MACROD2: variants seen among roughly 807,000 people sequenced by gnomAD.
MACROD2 encodes mono-ADP ribosylhydrolase 2.
MACROD2 carries 36 observed loss-of-function variants against 70.4 expected under a neutral mutation model. The observed-to-expected ratio is 0.51, with a 90% CI of 0.39 to 0.68. MACROD2 has a LOEUF of 0.68. Ranked by LOEUF, MACROD2 falls within the 30% of genes least tolerant of loss-of-function variation. The pLI is 0.00. For missense variants in MACROD2, 496 were observed against 538.4 expected, an observed-to-expected ratio of 0.92 and a Z score of 0.78; for synonymous variants, 172 against 178.8, an observed-to-expected ratio of 0.96 and a Z score of 0.30.
At chr20:15,254,840 C>T (rs921148968) in intron 6 of MACROD2, among the ~76,000 whole-genome samples, 2 of 151,230 alleles carry the variant, frequency 1.3e-5, no homozygotes, top group African/African-American at 4.9e-5. Flanking sequence ...TCAGATCTAT[C>T]TGACTACAAA....
At chr20:15,659,811 A>G (rs1028486695) in intron 8 of MACROD2, among the ~76,000 whole-genome samples, 3 of 152,178 alleles carry the variant, frequency 2.0e-5, no homozygotes, top group African/African-American at 7.2e-5. Context: ...CTGAATCAAA[A>G]TGTGATGGAG....
At chr20:14,192,676 T>TC (rs1268235982) in intron 3 of MACROD2, among the ~76,000 whole-genome samples, 5 of 151,780 alleles carry the variant, frequency 3.3e-5, no homozygotes, top group African/African-American at 1.2e-4. Flanking sequence ...GGCAAAGGAG[T>TC]CTCCCCACAA....
Position 14,973,572 on chromosome 20 carries a change from T to G in MACROD2, c.419-256368T>G, listed in dbSNP as rs2074711572. ...CAGAGGAAGGGTTTGCTTTCATATC[T>G]TTTTGCTTAGACAATGACCACTTGA... On this transcript the variant is annotated intron_variant, in intron 5 of 17. Coordinates refer to ENST00000684519, the MANE Select transcript of MACROD2 (RefSeq NM_001351661.2). Among the ~76,000 whole-genome samples, 4 of 152,072 alleles carry G rather than the reference T, an allele frequency of 2.6e-5. No homozygotes were observed. The South Asian group carries it at 8.3e-4, about 32-fold the overall frequency.
At chr20:14,397,397 C>T (rs888753796) in intron 3 of MACROD2, among the ~76,000 whole-genome samples, 1 of 152,060 alleles carries the variant, frequency 6.6e-6, no homozygotes, top group Non-Finnish European at 1.5e-5. Context: ...ATAGTGGTTG[C>T]TTATAGTGTG....
intron 8 of MACROD2, among the ~76,000 whole-genome samples, chr20:15,610,624 C>T (rs919142652): frequency 1.3e-5 from 2 of 152,204 alleles, no homozygotes; most frequent in Non-Finnish European, 2.9e-5. Context: ...AACACAGCAG[C>T]AGTCACAGGT....
chr20:15,481,349 T>C (rs1044739621), intron 7 of MACROD2, among the ~76,000 whole-genome samples: 23 of 152,332 alleles, frequency 1.5e-4, no homozygotes, highest in African/African-American at 4.3e-4. Context: ...ACTGAATGAC[T>C]GATGTGCTTT....
At chr20:15,234,547 A>T (rs1278660942) in intron 6 of MACROD2, among the ~76,000 whole-genome samples, 1 of 152,180 alleles carries the variant, frequency 6.6e-6, no homozygotes, top group Non-Finnish European at 1.5e-5. Context: ...ACCCAGGTTG[A>T]ATCCCAGAAG....
At chr20:15,819,256 T>A (rs926724463) in intron 8 of MACROD2, among the ~76,000 whole-genome samples, 12 of 144,546 alleles carry the variant, frequency 8.3e-5, no homozygotes, top group East Asian at 7.8e-4. Flanking sequence ...TATAAATATT[T>A]ACATAGTATA....
chr20:15,430,523 G>C (rs1794912690), intron 6 of MACROD2, among the ~76,000 whole-genome samples: 2 of 152,004 alleles, frequency 1.3e-5, no homozygotes, highest in Admixed American at 6.6e-5. Flanking sequence ...CCTTGGCAGA[G>C]AAAGTTGCCA....
intron 5 of MACROD2, among the ~76,000 whole-genome samples, chr20:14,793,966 C>G (rs1202083720): frequency 6.6e-6 from 1 of 152,038 alleles, no homozygotes; most frequent in Non-Finnish European, 1.5e-5. Flanking sequence ...ATACCAGTGT[C>G]CTATGGCAGA....
chr20:14,760,877 C>T (rs149650361), intron 5 of MACROD2, among the ~76,000 whole-genome samples: 3 of 152,224 alleles, frequency 2.0e-5, no homozygotes, highest in Admixed American at 6.5e-5. Context: ...GATTCGTCAA[C>T]GTTACTGAAA....
At chr20:15,304,691 C>T (rs897017508) in intron 6 of MACROD2, among the ~76,000 whole-genome samples, 1 of 152,252 alleles carries the variant, frequency 6.6e-6, no homozygotes, top group South Asian at 2.1e-4. Context: ...GCAGACGACC[C>T]CTTCCCGCTC....
intron 8 of MACROD2, among the ~76,000 whole-genome samples, chr20:15,640,137 T>C (rs2049436919): frequency 1.5e-5 from 2 of 135,954 alleles, no homozygotes. Context: ...GAGGGAGAAA[T>C]GATAAAAGAG....
At chr20:14,085,378 G>A (rs1407311606) in intron 2 of MACROD2, among the ~76,000 whole-genome samples, 2 of 151,860 alleles carry the variant, frequency 1.3e-5, no homozygotes, top group African/African-American at 4.8e-5. Flanking sequence ...TGAATTTCTT[G>A]TTGACCAATA....
intron 3 of MACROD2, among the ~76,000 whole-genome samples, chr20:14,439,475 T>A (rs1211676907): frequency 1.3e-5 from 2 of 152,122 alleles, no homozygotes; most frequent in African/African-American, 4.8e-5. Flanking sequence ...TCCACTAGTA[T>A]TATTTTAAAA....
intron 3 of MACROD2, among the ~76,000 whole-genome samples, chr20:14,222,422 G>A (rs1228960963): frequency 6.6e-6 from 1 of 152,108 alleles, no homozygotes; most frequent in Non-Finnish European, 1.5e-5. Flanking sequence ...ACTTATAAGT[G>A]AGACCTAAAT....
chr20:15,528,841 CTTGT>C (rs772816523), intron 8 of MACROD2, among the ~76,000 whole-genome samples: 1 of 151,346 alleles, frequency 6.6e-6, no homozygotes, highest in Admixed American at 6.6e-5. Flanking sequence ...TCACTTTTAT[CTTGT>C]TTGAGTCACC....
At chr20:15,008,777 A>G (rs1241656127) in intron 5 of MACROD2, among the ~76,000 whole-genome samples, 1 of 152,198 alleles carries the variant, frequency 6.6e-6, no homozygotes, top group African/African-American at 2.4e-5. Context: ...TTTATTGCTT[A>G]AAATAAACTA....
intron 8 of MACROD2, chr20:15,619,498 G>A (rs421304): frequency 0.012 from 3,707 of 306,682 alleles, 41 homozygotes; most frequent in South Asian, 0.031. Flanking sequence ...TTGGCCACCC[G>A]CTGGCTTGCT....
Sources: allele counts gnomAD v4.1 joint callset (sites outside exome capture counted in the v4.1 genomes callset), GRCh38; gene constraint gnomAD v4.1.1; transcripts MANE v1.5; gene names NCBI Gene and HGNC (gene_info 2026-07-23, HGNC 2026-07-21).